Variants in KDM4C observed in about 807,000 individuals in gnomAD.
KDM4C encodes the protein lysine-specific demethylase 4C.
A neutral mutation model predicts 129.3 loss-of-function variants in KDM4C; 81 were observed. The observed-to-expected ratio is 0.63, with a 90% CI of 0.52 to 0.75. KDM4C has a LOEUF of 0.75. Ranked by LOEUF, KDM4C falls within the 30% of genes least tolerant of loss-of-function variation. KDM4C has a pLI of 0.00. For missense variants in KDM4C, 1,457 were observed against 1,304.0 expected, an observed-to-expected ratio of 1.12 and a Z score of -1.81; for synonymous variants, 573 against 456.1, an observed-to-expected ratio of 1.26 and a Z score of -3.26.
At chr9:7,015,978 A>C in intron 15 of KDM4C, 49 bp downstream of exon 15, 2 of 1,298,490 alleles carry the variant, frequency 1.5e-6, no homozygotes, top group Non-Finnish European at 2.2e-6. Context: ...CACCCTACCC[A>C]CTGTGGACAC....
intron 1 of KDM4C, among the ~76,000 whole-genome samples, chr9:6,736,643 C>T (rs994005122): frequency 2.6e-5 from 4 of 152,142 alleles, no homozygotes; most frequent in African/African-American, 4.8e-5. Flanking sequence ...GTCAGACTAT[C>T]TCTGTTGTAG....
At position 7,097,485 on chromosome 9, in the gene KDM4C, A is replaced by G. The variant is rs1441358192; in HGVS notation, c.2425-6200A>G. Among the ~76,000 whole-genome samples the G allele has an allele frequency of 3.3e-5, 5 of 152,278 alleles. 1 individual carries two copies. The highest frequency in any genetic ancestry group is 2.6e-4 in the Admixed American group (4 of 15,300). ...GCTGCCTACACTCTCCTGCCACATCATGGGCTCCTCCATGACCTGAGTCAT... is the reference window on the plus strand; with the variant it reads ...GCTGCCTACACTCTCCTGCCACATCGTGGGCTCCTCCATGACCTGAGTCAT... On this transcript the variant is annotated intron_variant, in intron 17 of 21. Transcript: ENST00000381309.
chr9:6,920,185 A>G (rs1821219254), intron 8 of KDM4C, among the ~76,000 whole-genome samples: 1 of 152,126 alleles, frequency 6.6e-6, no homozygotes, highest in Non-Finnish European at 1.5e-5. Flanking sequence ...TTTGGGGATG[A>G]AATCATAGGG....
chr9:6,909,264 G>T (rs1047727721), intron 8 of KDM4C, among the ~76,000 whole-genome samples: 6 of 152,186 alleles, frequency 3.9e-5, no homozygotes, highest in Admixed American at 3.9e-4. Context: ...TGGAGTTCAC[G>T]ATGTGGCCAA....
intron 1 of KDM4C, among the ~76,000 whole-genome samples, chr9:6,759,973 A>C (rs1472365788): frequency 6.7e-6 from 1 of 150,104 alleles, no homozygotes; most frequent in Non-Finnish European, 1.5e-5. Flanking sequence ...ATAAATAAAT[A>C]AATAAATAAA....
intron 1 of KDM4C, among the ~76,000 whole-genome samples, chr9:6,760,324 C>T (rs1389738618): frequency 6.6e-6 from 1 of 152,010 alleles, no homozygotes; most frequent in East Asian, 1.9e-4. Flanking sequence ...ATTATGGATA[C>T]ATCACATTTT....
At chr9:7,024,992 C>A (rs535810145) in intron 15 of KDM4C, among the ~76,000 whole-genome samples, 53 of 152,306 alleles carry the variant, frequency 3.5e-4, no homozygotes, top group African/African-American at 1.2e-3. Flanking sequence ...CTCTCCAGCA[C>A]CTGTTGTTTC....
At chr9:6,726,884 C>G (rs1348760281) in intron 1 of KDM4C, 1 of 152,000 alleles carries the variant, frequency 6.6e-6, no homozygotes, top group South Asian at 2.1e-4. Flanking sequence ...TACAGGCATA[C>G]GCCACCACGC....
chr9:6,821,790 A>C (rs1289467489), intron 4 of KDM4C, among the ~76,000 whole-genome samples: 1 of 151,980 alleles, frequency 6.6e-6, no homozygotes. Flanking sequence ...GCATGCCACC[A>C]CACCTGTCTA....
chr9:6,846,807 A>G (rs1335890508), intron 4 of KDM4C, among the ~76,000 whole-genome samples: 1 of 152,128 alleles, frequency 6.6e-6, no homozygotes, highest in African/African-American at 2.4e-5. Context: ...TAGTGGTGAT[A>G]TTTATTATAT....
chr9:7,161,677 G>T (rs545626901), intron 19 of KDM4C, among the ~76,000 whole-genome samples: 3 of 152,278 alleles, frequency 2.0e-5, no homozygotes, highest in African/African-American at 7.2e-5. Flanking sequence ...GGCTTGGGCT[G>T]CTGGGCTTTA....
intron 17 of KDM4C, among the ~76,000 whole-genome samples, chr9:7,054,220 G>T (rs562015039): frequency 1.4e-4 from 22 of 152,338 alleles, no homozygotes; most frequent in African/African-American, 5.1e-4. Flanking sequence ...CTAGGGGGTT[G>T]TGTGAAGTCA....
intron 17 of KDM4C, among the ~76,000 whole-genome samples, chr9:7,055,622 A>C (rs926482861): frequency 1.3e-5 from 2 of 152,240 alleles, no homozygotes; most frequent in East Asian, 3.8e-4. Context: ...CAATTCTGAA[A>C]ATAGAGTGGT....
At chr9:6,961,713 CAAACAA>C (rs561302187) in intron 8 of KDM4C, among the ~76,000 whole-genome samples, 420 of 152,226 alleles carry the variant, frequency 2.8e-3, no homozygotes, top group Non-Finnish European at 4.5e-3. Context: ...GTGGCCCTGT[CAAACAA>C]AAACAAAAAT....
chr9:6,941,257 C>G (rs569785574), intron 8 of KDM4C, among the ~76,000 whole-genome samples: 5 of 152,144 alleles, frequency 3.3e-5, no homozygotes, highest in African/African-American at 1.2e-4. Flanking sequence ...GATCTGCCGG[C>G]CTCAGCCTCC....
intron 17 of KDM4C, among the ~76,000 whole-genome samples, chr9:7,073,676 T>TTGGGAGA (rs1833520461): frequency 6.6e-6 from 1 of 152,258 alleles, no homozygotes; most frequent in African/African-American, 2.4e-5. Context: ...TATATCTGCA[T>TTGGGAGA]TATTTCAGCC....
At chr9:6,731,815 T>A (rs1333580362) in intron 1 of KDM4C, among the ~76,000 whole-genome samples, 2 of 152,192 alleles carry the variant, frequency 1.3e-5, no homozygotes, top group Non-Finnish European at 1.5e-5. Context: ...CATTTTGGGT[T>A]TCTGGCCTCA....
At chr9:7,017,451 C>G (rs965636700) in intron 15 of KDM4C, among the ~76,000 whole-genome samples, 2 of 152,158 alleles carry the variant, frequency 1.3e-5, no homozygotes, top group African/African-American at 2.4e-5. Flanking sequence ...TACCTTACTA[C>G]TTTCCTGCAG....
intron 8 of KDM4C, among the ~76,000 whole-genome samples, chr9:6,971,408 G>C (rs1831964568): frequency 6.6e-6 from 1 of 152,150 alleles, no homozygotes; most frequent in Non-Finnish European, 1.5e-5. Flanking sequence ...CATTTATTAT[G>C]TAGCCTGTTT....
Sources: gnomAD v4.1 joint callset for allele counts (sites outside exome capture counted in the v4.1 genomes callset) on GRCh38, gnomAD v4.1.1 for gene constraint, MANE v1.5 for transcripts, NCBI Gene and HGNC (gene_info 2026-07-23, HGNC 2026-07-21) for gene names.